Variants in PCDHA3 observed in about 807,000 individuals in gnomAD.
PCDHA3 encodes the protein protocadherin alpha-3.
A neutral mutation model predicts 62.2 loss-of-function variants in PCDHA3; 41 were observed. The ratio of observed to expected loss-of-function variants is 0.66; its 90% CI spans 0.51 to 0.86. The LOEUF (loss-of-function observed/expected upper bound fraction) is 0.86. Among genes scored for constraint, PCDHA3 ranks in the 40% least tolerant of loss-of-function variants. The pLI is 0.00. For missense variants in PCDHA3, 1,304 were observed against 1,241.2 expected (o/e 1.05, Z -0.76); for synonymous variants, 640 against 555.4 (o/e 1.15, Z -2.14).
rs183514123 is a variant in PCDHA3 at position 140,818,784 on chromosome 5, T to A, written c.2394+15193T>A. On this transcript the variant is annotated intron_variant, in intron 1 of 3. Transcript: ENST00000522353. ...GCCTGAGGCTGCAATGAACTTTGAC[T>A]GTACCACTGCACTCCAGCCTCGGTC... Among the ~76,000 whole-genome samples, 13 of 152,338 alleles carry A rather than the reference T, an allele frequency of 8.5e-5. No homozygotes were observed. The East Asian group carries it at 2.3e-3, about 27-fold the overall frequency.
intron 1 of PCDHA3, chr5:140,812,557 A>G (rs1562235591): frequency 6.6e-6 from 1 of 151,502 alleles, no homozygotes; most frequent in Non-Finnish European, 1.5e-5. Context: ...TTGAGTTGTT[A>G]AGTTTTTTAT....
rs535622037 is a variant in PCDHA3 at position 140,926,265 on chromosome 5, G to T, written c.2395-52684G>T. The T allele has an allele frequency of 8.1e-3, 1,228 of 152,360 alleles. 6 individuals carry two copies. The highest frequency in any genetic ancestry group is 0.019 in the African/African-American group (792 of 41,548). 9.4% of individuals were successfully genotyped at this position (152,360 alleles called of 1,614,324 possible). ...CACGTTCACCGTCCCGCCTCTCGCC[G>T]CCTCCGCTCGGCAGCTCCACGCTGA... is the stretch of plus-strand genomic sequence containing the variant. On this transcript the variant is annotated intron_variant, in intron 1 of 3. Transcript: ENST00000522353.
At chr5:140,842,814 G>C (rs1581016277) in intron 1 of PCDHA3, 1 of 1,593,900 alleles carries the variant, frequency 6.3e-7, no homozygotes, top group African/African-American at 1.3e-5. Context: ...GTGGAGCGGC[G>C]GGTGGGCGAG....
At chr5:140,918,279 G>A (rs1554198513) in intron 1 of PCDHA3, among the ~76,000 whole-genome samples, 1 of 152,078 alleles carries the variant, frequency 6.6e-6, no homozygotes, top group African/African-American at 2.4e-5. Context: ...TCAGATGTAG[G>A]AGCTTTTTGG....
intron 1 of PCDHA3, among the ~76,000 whole-genome samples, chr5:140,911,235 A>G (rs1426271043): frequency 1.3e-5 from 2 of 152,146 alleles, no homozygotes; most frequent in Non-Finnish European, 2.9e-5. Flanking sequence ...TTCTTCTGGC[A>G]AAAAAAGTTT....
chr5:140,832,037 T>C (rs1771814112), intron 1 of PCDHA3, among the ~76,000 whole-genome samples: 1 of 152,240 alleles, frequency 6.6e-6, no homozygotes, highest in Non-Finnish European at 1.5e-5. Flanking sequence ...TTGTTATTCA[T>C]AGTGAGGCCA....
At chr5:140,960,903 G>C (rs560284839) in intron 1 of PCDHA3, among the ~76,000 whole-genome samples, 3 of 152,308 alleles carry the variant, frequency 2.0e-5, no homozygotes, top group African/African-American at 7.2e-5. Context: ...GGCATATCTT[G>C]AGTTTCAGAT....
intron 1 of PCDHA3, chr5:140,822,786 G>C (rs1480573105): frequency 6.2e-7 from 1 of 1,613,980 alleles, no homozygotes; most frequent in African/African-American, 1.3e-5. Context: ...AAGTAGTAGT[G>C]AAACTCCTGG....
chr5:140,918,549 T>C (rs1313720970), intron 1 of PCDHA3, among the ~76,000 whole-genome samples: 3 of 152,222 alleles, frequency 2.0e-5, no homozygotes, highest in Non-Finnish European at 2.9e-5. Flanking sequence ...CCATGTGCAA[T>C]TGAGAAGAAT....
At chr5:140,862,887 G>A (rs781965401) in intron 1 of PCDHA3, 8 of 562,884 alleles carry the variant, frequency 1.4e-5, no homozygotes, top group Non-Finnish European at 2.7e-5. Flanking sequence ...GTGCTGGAAC[G>A]ACAACTTTGT....
chr5:140,884,428 G>T, intron 1 of PCDHA3: 1 of 1,613,962 alleles, frequency 6.2e-7, no homozygotes, highest in East Asian at 2.2e-5. Flanking sequence ...TGTATACTGC[G>T]CTGCGGTGCT....
intron 1 of PCDHA3, among the ~76,000 whole-genome samples, chr5:140,875,040 T>C (rs1369679625): frequency 2.0e-5 from 3 of 152,340 alleles, no homozygotes; most frequent in Admixed American, 2.0e-4. Flanking sequence ...ATTTGAAAGA[T>C]TTCTACTTTG....
chr5:140,851,315 T>G lies in PCDHA3; in HGVS notation c.2394+47724T>G. ...GCAAAAATATATAGCAATTGTTACC[T>G]TGTTAAGTTTGTAGTTCTCTACATT... On this transcript the variant is annotated intron_variant, in intron 1 of 3. Coordinates refer to ENST00000522353, the MANE Select transcript of PCDHA3 (RefSeq NM_018906.3). 7.1e-6 allele frequency: 7 copies of G among 992,586 alleles called. 1 individual carries two copies. The highest frequency in any genetic ancestry group is 8.6e-6 in the Non-Finnish European group (7 of 809,654). 61.5% of individuals were successfully genotyped at this position (992,586 alleles called of 1,614,324 possible).
intron 1 of PCDHA3, among the ~76,000 whole-genome samples, chr5:140,820,294 A>G (rs1420774304): frequency 6.6e-6 from 1 of 151,992 alleles, no homozygotes; most frequent in Non-Finnish European, 1.5e-5. Context: ...TATCAGAAAC[A>G]ATTCTATGAC....
At chr5:140,825,237 C>T (rs1262256044) in intron 1 of PCDHA3, 3 of 151,300 alleles carry the variant, frequency 2.0e-5, no homozygotes, top group Admixed American at 6.6e-5. Context: ...TTATCTGGAT[C>T]TATGGTGTTC....
At chr5:140,883,398 G>A (rs1421475221) in intron 1 of PCDHA3, 1 of 1,614,166 alleles carries the variant, frequency 6.2e-7, no homozygotes, top group Non-Finnish European at 8.5e-7. Flanking sequence ...GTGTCCGATC[G>A]TGACTCTGGC....
At chr5:140,874,217 A>G (rs2054785474) in intron 1 of PCDHA3, among the ~76,000 whole-genome samples, 1 of 152,214 alleles carries the variant, frequency 6.6e-6, no homozygotes, top group African/African-American at 2.4e-5. Flanking sequence ...TATTATATGC[A>G]GTAGGAATGA....
At chr5:140,833,531 T>G (rs1772504047) in intron 1 of PCDHA3, among the ~76,000 whole-genome samples, 1 of 152,126 alleles carries the variant, frequency 6.6e-6, no homozygotes, top group Admixed American at 6.6e-5. Context: ...AACACACAAG[T>G]GTTCGAAAGG....
rs1274071202 is a variant in PCDHA3, at chr5:140,805,271, A to G, written c.2394+1680A>G. Reference sequence around the variant, plus strand: ...ATTAAAATACCTGGTAAATGAAAATATTACAAATGAAATGGGTGAAAATGG... The same window carrying G: ...ATTAAAATACCTGGTAAATGAAAATGTTACAAATGAAATGGGTGAAAATGG... On this transcript the variant is annotated intron_variant, in intron 1 of 3. Transcript: ENST00000522353. 2.3e-6 allele frequency: 3 copies of G among 1,284,020 alleles called. No homozygotes were observed. The African/African-American group carries it at 4.6e-5, about 20-fold the overall frequency. 79.5% of individuals were successfully genotyped at this position (1,284,020 alleles called of 1,614,324 possible). A position where few individuals can be genotyped will look rare whatever the true frequency, so the allele number is the denominator to read the frequency against.
Sources: allele counts gnomAD v4.1 joint callset (sites outside exome capture counted in the v4.1 genomes callset), GRCh38; gene constraint gnomAD v4.1.1; transcripts MANE v1.5; gene names NCBI Gene and HGNC (gene_info 2026-07-23, HGNC 2026-07-21).